The following PRKDC variants were observed in gnomAD, a reference collection of about 807,000 sequenced individuals.
PRKDC encodes protein kinase, DNA-activated, catalytic subunit, also known as DNA-dependent protein kinase catalytic subunit.
PRKDC carries 82 observed loss-of-function variants against 486.9 expected under a neutral mutation model. The observed-to-expected ratio is 0.17, with a 90% CI of 0.14 to 0.20. The LOEUF is 0.20. PRKDC is among the 10% of genes least tolerant of loss of function. PRKDC has a pLI of 1.00. For missense variants in PRKDC, 4,504 were observed against 5,038.2 expected (o/e 0.89, Z 3.21); for synonymous variants, 1,895 against 1,837.0 (o/e 1.03, Z -0.81).
intron 58 of PRKDC, among the ~76,000 whole-genome samples, chr8:47,834,643 A>T (rs1306637473): frequency 6.6e-6 from 1 of 151,908 alleles, no homozygotes; most frequent in African/African-American, 2.4e-5. Context: ...CCACCACAGG[A>T]ATAACACTTT....
chr8:47,866,939 C>A (rs986869955), intron 40 of PRKDC, among the ~76,000 whole-genome samples: 3 of 152,016 alleles, frequency 2.0e-5, no homozygotes, highest in Non-Finnish European at 2.9e-5. Context: ...GGTTCTGCTA[C>A]GTTGCTCAGG....
intron 52 of PRKDC, among the ~76,000 whole-genome samples, chr8:47,850,203 G>A (rs943911221): frequency 1.3e-5 from 2 of 152,184 alleles, no homozygotes; most frequent in South Asian, 2.1e-4. Flanking sequence ...AAACACTGCT[G>A]TCCTTCCTGG....
At chr8:47,825,520 A>AC (rs1554630357) in intron 63 of PRKDC, among the ~76,000 whole-genome samples, 16 of 150,492 alleles carry the variant, frequency 1.1e-4, no homozygotes, top group African/African-American at 3.9e-4. Context: ...AAAAAAAAAA[A>AC]AAAAAAAAAA....
intron 62 of PRKDC, 149 bp from the exon 63 acceptor site, chr8:47,827,010 T>C (rs2154499231): frequency 1.4e-6 from 1 of 719,304 alleles, no homozygotes; most frequent in East Asian, 2.9e-5. Context: ...ATTAACACAT[T>C]TTCCAACAAT....
At chr8:47,774,463 T>A in intron 85 of PRKDC, 86 bp from the exon 86 acceptor site, 1 of 1,226,406 alleles carries the variant, frequency 8.2e-7, no homozygotes, top group African/African-American at 1.5e-5. Flanking sequence ...TCCAAACACA[T>A]TCCCCACGTC....
intron 31 of PRKDC, among the ~76,000 whole-genome samples, chr8:47,891,772 T>C (rs2089463503): frequency 6.6e-6 from 1 of 152,176 alleles, no homozygotes; most frequent in Non-Finnish European, 1.5e-5. Flanking sequence ...TCCAATAGAA[T>C]ATTGGATTGT....
chr8:47,945,672 C>G (rs1483323079), intron 7 of PRKDC, among the ~76,000 whole-genome samples: 1 of 152,186 alleles, frequency 6.6e-6, no homozygotes, highest in African/African-American at 2.4e-5. Context: ...TTGGGTGGTT[C>G]TGGCCCTTTG....
rs144083654 is a variant in PRKDC, at chr8:47,940,033, T to C, written c.967-336A>G. The C allele has an allele frequency of 1.5e-3, 241 of 163,326 alleles. 2 individuals are homozygous for C. Among genetic ancestry groups the C allele is most frequent in the Non-Finnish European group, 2.7e-4 (21 of 76,400 alleles). 10.1% of individuals were successfully genotyped at this position (163,326 alleles called of 1,614,324 possible). On this transcript the variant is annotated intron_variant, in intron 10 of 85. Transcript: ENST00000314191. ...CAAAGAGCAGTCTTTAGAGCTCACC[T>C]GTCACCCACAGGGTGAAAGAGAGCT...
Position 47,778,517 on chromosome 8 carries a change from A to G in PRKDC, c.11795T>C (p.Met3932Thr). 6.2e-7 allele frequency: 1 copy of G among 1,613,838 alleles called. No individual in the cohort carries two copies. Residue 3932 changes from methionine (M) to threonine (T), a missense_variant, in exon 83 of 86, where the codon ATG becomes ACG. Met to Thr is a moderately conservative substitution (Grantham distance 81, BLOSUM62 -1). Around this residue, in one of 6 missense-constraint regions of PRKDC, gnomAD observed 706 missense variants for 945.0 expected, o/e 0.75. Transcript: ENST00000314191. ...DRHLNNFMVA[M>T]ETGGVIGIDF... ...GATCCCGATCACGCCGCCAGTCTCC[A>G]TGGCCACCATAAAGTTGTTCAGATG...
intron 11 of PRKDC, among the ~76,000 whole-genome samples, chr8:47,937,016 G>A (rs990135686): frequency 1.3e-5 from 2 of 151,040 alleles, no homozygotes; most frequent in African/African-American, 4.8e-5. Flanking sequence ...CACTTTGGGA[G>A]GCCGAGGCGG....
chr8:47,916,480 T>G (rs753568165), intron 22 of PRKDC, among the ~76,000 whole-genome samples: 5 of 152,074 alleles, frequency 3.3e-5, no homozygotes, highest in Non-Finnish European at 7.4e-5. Context: ...TCAAACTTAC[T>G]GCAATAGTTA....
chr8:47,931,632 C>T (rs971010101), intron 16 of PRKDC, among the ~76,000 whole-genome samples: 7 of 152,156 alleles, frequency 4.6e-5, no homozygotes, highest in African/African-American at 1.4e-4. Flanking sequence ...ATGTGACCAC[C>T]GGCTTGTACT....
rs1474773584 is a variant in PRKDC at position 47,893,235 on chromosome 8, G to T, written c.3751C>A (p.Gln1251Lys). 1 of 1,612,590 alleles carries T rather than the reference G, an allele frequency of 6.2e-7. No individual in the cohort carries two copies. Among genetic ancestry groups the T allele is most frequent in the Admixed American group, 1.7e-5 (1 of 59,790 alleles). ...AGGTCCAGCCAGCATAGCGTGGCCT[G>T]CAGGCTGAATGGCCCCCGAAGGTAC... Reference protein sequence around the residue: ...LLYLRGPFSLQATLCWLDLLL... With the variant: ...LLYLRGPFSLKATLCWLDLLL... The change falls in exon 31 of 86, where the codon CAG becomes AAG. Residue 1251 changes from glutamine to lysine, a missense_variant. This residue lies in a region of PRKDC where 1,969 missense variants were observed against 2,068.9 expected (regional missense o/e 0.95). Transcript: ENST00000314191.
intron 63 of PRKDC, 71 bp downstream of exon 63, chr8:47,826,585 A>C: frequency 7.0e-7 from 1 of 1,432,570 alleles, no homozygotes; most frequent in Non-Finnish European, 9.4e-7. Flanking sequence ...CTGCCAAATG[A>C]AGCCAAGTGT....
rs373627081 is a variant in PRKDC, at chr8:47,826,696, G to A, written c.8743C>T (p.Arg2915Cys). The A allele has an allele frequency of 1.2e-5, 20 of 1,612,986 alleles. No homozygotes were observed. The highest frequency in any genetic ancestry group is 8.9e-5 in the East Asian group (4 of 44,896). The change falls in exon 63 of 86, where the codon CGC becomes TGC. Residue 2915 changes from arginine (R) to cysteine (C), a missense_variant. This residue lies in a region of PRKDC where 1,592 missense variants were observed against 1,724.6 expected (regional missense o/e 0.92). Transcript: ENST00000314191. ...LPAKRVRGKA[R>C]LPPDVLRWVE... Reference sequence around the variant, plus strand: ...CATCTGAGGACATCAGGAGGGAGGCGGGCCTTCCCACGGACTCGCTTGGCA... The same window carrying A: ...CATCTGAGGACATCAGGAGGGAGGCAGGCCTTCCCACGGACTCGCTTGGCA...
intron 37 of PRKDC, 96 bp downstream of exon 37, chr8:47,881,816 C>CA (rs2089225512): frequency 9.1e-7 from 1 of 1,100,972 alleles, no homozygotes; most frequent in Admixed American, 3.3e-5. Flanking sequence ...TTTGTCAAAC[C>CA]AATGAGCTTT....
chr8:47,797,585 C>T (rs1406593910), intron 73 of PRKDC, among the ~76,000 whole-genome samples: 5 of 152,182 alleles, frequency 3.3e-5, no homozygotes, highest in Non-Finnish European at 7.3e-5. Flanking sequence ...GCCCTATCTT[C>T]CAGTTACACG....
At position 47,776,908 on chromosome 8, in the gene PRKDC, G is replaced by C; in HGVS notation, c.12118C>G (p.Pro4040Ala). 6.2e-7 allele frequency: 1 copy of C among 1,613,486 alleles called. No homozygotes were observed. Residue 4040 changes from proline to alanine, a missense_variant, in exon 85 of 86, where the codon CCC becomes GCC. Transcript: ENST00000314191. ...TTAGCGTAACATATTTTCTGTCGGG[G>C]GTACCAATTTTTTTCAGCAACATTT... ...EINVAEKNWY[P>A]RQKICYAKRK...
chr8:47,902,075 C>T (rs2089694913), intron 27 of PRKDC, among the ~76,000 whole-genome samples: 1 of 152,156 alleles, frequency 6.6e-6, no homozygotes, highest in Non-Finnish European at 1.5e-5. Flanking sequence ...CTTACTACAG[C>T]AAGCAGAGCC....
Sources: gnomAD v4.1 joint callset for allele counts (sites outside exome capture counted in the v4.1 genomes callset) on GRCh38, gnomAD v4.1.1 for gene constraint, gnomAD v4.1.1 regional missense constraint, MANE v1.5 for transcripts, NCBI Gene and HGNC (gene_info 2026-07-23, HGNC 2026-07-21) for gene names.